Variants in NR5A2 observed in about 807,000 individuals in gnomAD.
NR5A2 encodes CYP7A promoter-binding factor.
In NR5A2, 26 loss-of-function variants were observed where a neutral mutation model predicts 62.7. The ratio of observed to expected loss-of-function variants is 0.41; its 90% confidence interval spans 0.30 to 0.58. The LOEUF (loss-of-function observed/expected upper bound fraction) is 0.58, where lower values mean the gene tolerates loss of function less well. NR5A2 is among the 20% of genes least tolerant of loss of function. The probability of loss-of-function intolerance (pLI) is 0.22; values close to 1 mark genes in which losing one functional copy is unlikely to be tolerated. For synonymous variants in NR5A2, 246 were observed against 241.7 expected (o/e 1.02, Z -0.16); for missense variants, 541 against 669.1 (o/e 0.81, Z 2.11).
intron 2 of NR5A2, among the ~76,000 whole-genome samples, chr1:200,043,529 AAATGTTAACAAAAG>A (rs1662218288): frequency 6.6e-6 from 1 of 152,248 alleles, no homozygotes; most frequent in African/African-American, 2.4e-5. Flanking sequence ...GGTCAGTTTA[AAATGTTAACAAAAG>A]AAGTTGGAAT....
intron 7 of NR5A2, among the ~76,000 whole-genome samples, chr1:200,155,162 G>A (rs1391922607): frequency 6.6e-6 from 1 of 152,082 alleles, no homozygotes; most frequent in African/African-American, 2.4e-5. Context: ...TGCAGAAGTG[G>A]GATTAAGATT....
At chr1:200,103,412 G>C (rs989773708) in intron 5 of NR5A2, among the ~76,000 whole-genome samples, 5 of 152,122 alleles carry the variant, frequency 3.3e-5, no homozygotes, top group African/African-American at 1.2e-4. Context: ...GAGCCACCGT[G>C]CCTGGCCTGC....
intron 5 of NR5A2, among the ~76,000 whole-genome samples, chr1:200,109,872 C>T (rs550321054): frequency 6.6e-6 from 1 of 152,306 alleles, no homozygotes; most frequent in East Asian, 1.9e-4. Flanking sequence ...TCAAGTGATT[C>T]TCCTGCCTCA....
chr1:200,063,693 G>A (rs2821386), intron 5 of NR5A2, among the ~76,000 whole-genome samples: 60,928 of 151,998 alleles, frequency 0.4, 16,134 homozygotes, highest in African/African-American at 0.76. Context: ...ATTTTTCTTT[G>A]TTGTTGAATC....
intron 6 of NR5A2, among the ~76,000 whole-genome samples, chr1:200,111,965 A>G (rs1342836986): frequency 6.6e-6 from 1 of 152,182 alleles, no homozygotes; most frequent in Non-Finnish European, 1.5e-5. Context: ...ACAAAATAAA[A>G]AGGTTCCTGC....
intron 7 of NR5A2, among the ~76,000 whole-genome samples, chr1:200,140,941 G>A (rs923160097): frequency 1.1e-4 from 17 of 152,182 alleles, no homozygotes; most frequent in African/African-American, 4.1e-4. Flanking sequence ...TGAGGCAGGA[G>A]AATTGCTTGA....
intron 5 of NR5A2, among the ~76,000 whole-genome samples, chr1:200,076,915 ATATT>A (rs1434614570): frequency 6.6e-6 from 1 of 152,188 alleles, no homozygotes; most frequent in African/African-American, 2.4e-5. Flanking sequence ...TATAAATTAA[ATATT>A]AATTATAGAG....
At chr1:200,134,446 T>TA (rs1667126492) in intron 7 of NR5A2, among the ~76,000 whole-genome samples, 1 of 152,220 alleles carries the variant, frequency 6.6e-6, no homozygotes, top group African/African-American at 2.4e-5. Context: ...TTCACTGTGT[T>TA]ACAACTGCCT....
At chr1:200,044,990 A>C (rs1287577286) in intron 3 of NR5A2, among the ~76,000 whole-genome samples, 1 of 151,024 alleles carries the variant, frequency 6.6e-6, no homozygotes, top group African/African-American at 2.4e-5. Flanking sequence ...TAAAAAAAAA[A>C]AAAAATCTGA....
At chr1:200,121,468 A>G (rs1324630006) in intron 7 of NR5A2, among the ~76,000 whole-genome samples, 1 of 152,256 alleles carries the variant, frequency 6.6e-6, no homozygotes, top group Non-Finnish European at 1.5e-5. Context: ...AGTACAAAAG[A>G]TGACAGTTGT....
At chr1:200,044,785 T>C (rs1662280907) in intron 3 of NR5A2, among the ~76,000 whole-genome samples, 1 of 152,228 alleles carries the variant, frequency 6.6e-6, no homozygotes, top group Non-Finnish European at 1.5e-5. Flanking sequence ...TTAATTCTTT[T>C]ATATAAAATA....
chr1:200,057,829 C>T (rs1307762564), intron 5 of NR5A2: 2 of 168,276 alleles, frequency 1.2e-5, no homozygotes, highest in Non-Finnish European at 1.3e-5. Flanking sequence ...TGGAGTTACA[C>T]TCTTGTTGCC....
At chr1:200,081,550 A>T (rs1418142286) in intron 5 of NR5A2, among the ~76,000 whole-genome samples, 2 of 152,254 alleles carry the variant, frequency 1.3e-5, no homozygotes, top group African/African-American at 4.8e-5. Context: ...GCTGATCCAT[A>T]GGAAGCCAAA....
intron 5 of NR5A2, among the ~76,000 whole-genome samples, chr1:200,050,974 G>C (rs1662602043): frequency 6.6e-6 from 1 of 152,070 alleles, no homozygotes; most frequent in Non-Finnish European, 1.5e-5. Flanking sequence ...TTTATATTTA[G>C]GATCAAAACA....
chr1:200,081,320 A>T (rs899541068), intron 5 of NR5A2, among the ~76,000 whole-genome samples: 8 of 152,230 alleles, frequency 5.3e-5, no homozygotes, highest in Non-Finnish European at 1.2e-4. Context: ...TCATGTTTGA[A>T]AAGTTACCAA....
intron 5 of NR5A2, among the ~76,000 whole-genome samples, chr1:200,108,081 C>CGTGTGTGTGTGTGTGTGTGTGTGTGTGT (rs71132660): frequency 1.7e-3 from 248 of 146,868 alleles, no homozygotes; most frequent in African/African-American, 5.9e-3. Flanking sequence ...AGAAGACATA[C>CGTGTGTGTGTGTGTGTGTGTGTGTGTGT]GTGTGTGTGT....
rs974279282 is a variant in NR5A2 at position 200,120,791 on chromosome 1, G to C, written c.1231-17G>C. The C allele has an allele frequency of 2.9e-5, 44 of 1,520,888 alleles. No individual in the cohort carries two copies. Among genetic ancestry groups the C allele is most frequent in the Non-Finnish European group, 3.9e-5 (44 of 1,138,640 alleles). The allele number at this position is 1,520,888 out of a possible 1,614,324, so 94.2% of individuals were successfully genotyped here. On this transcript the variant is annotated splice_polypyrimidine_tract_variant and intron_variant, in intron 6 of 7. Coordinates refer to ENST00000367362, the MANE Select transcript of NR5A2 (RefSeq NM_205860.3). The stretch of plus-strand genomic sequence containing the variant: ...GCTGATTCTGATAGTCCTTAAAACT[G>C]TGATTCTGTATTGCAGGTGGACTAT...
chr1:200,039,829 C>G lies in NR5A2; in HGVS notation c.202+34C>G, dbSNP rs762890181. On this transcript the variant is annotated intron_variant, in intron 2 of 7. Coordinates refer to ENST00000367362, the MANE Select transcript of NR5A2 (RefSeq NM_205860.3). The surrounding 1 kb of genome is among the most constrained non-coding windows in gnomAD (Gnocchi z 5.1). ...GCGCCGCGCGGCGCTCCGGCTCCCGCTGCTTCCCCACCCCCGGGCTCGCCC... is the reference window on the plus strand; with the variant it reads ...GCGCCGCGCGGCGCTCCGGCTCCCGGTGCTTCCCCACCCCCGGGCTCGCCC... The G allele has an allele frequency of 1.8e-5, 28 of 1,583,010 alleles. No homozygotes were observed. The highest frequency in any genetic ancestry group is 2.4e-5 in the Non-Finnish European group (28 of 1,167,690).
intron 5 of NR5A2, among the ~76,000 whole-genome samples, chr1:200,069,104 C>G (rs1663623961): frequency 6.6e-6 from 1 of 152,174 alleles, no homozygotes; most frequent in South Asian, 2.1e-4. Flanking sequence ...TTCTCCTAAG[C>G]TCACCTAGAC....
Sources: gnomAD v4.1 joint callset for allele counts (sites outside exome capture counted in the v4.1 genomes callset) on GRCh38, gnomAD v4.1.1 for gene constraint, Gnocchi (gnomAD v3.1) non-coding constraint, MANE v1.5 for transcripts, NCBI Gene and HGNC (gene_info 2026-07-23, HGNC 2026-07-21) for gene names.